The following PCDHGA8 variants were observed in gnomAD, a reference collection of about 807,000 sequenced individuals.
PCDHGA8 encodes protocadherin gamma subfamily A, 8.
A neutral mutation model predicts 59.2 loss-of-function variants in PCDHGA8; 45 were observed. The ratio of observed to expected loss-of-function variants is 0.76; its 90% CI spans 0.60 to 0.98. The LOEUF is 0.98. PCDHGA8 is among the 50% of genes least tolerant of loss of function. The pLI, the probability that PCDHGA8 is intolerant of heterozygous loss-of-function variation, is 0.00. For synonymous variants in PCDHGA8, 531 were observed against 519.0 expected (o/e 1.02, Z -0.32); for missense variants, 1,257 against 1,196.2 (o/e 1.05, Z -0.75).
chr5:141,491,800 C>G lies in PCDHGA8; in HGVS notation c.2425-3007C>G. The G allele has an allele frequency of 6.7e-7, 1 of 1,500,854 alleles. No individual in the cohort carries two copies. The highest frequency in any genetic ancestry group is 8.9e-7 in the Non-Finnish European group (1 of 1,125,316). 93.0% of individuals were successfully genotyped at this position (1,500,854 alleles called of 1,614,324 possible). A position where few individuals can be genotyped will look rare whatever the true frequency, so the allele number is the denominator to read the frequency against. ...GAACTTGCATCCACTCCTCTCCGGC[C>G]GGCTTGGTCGCTGGCTGCGCTCCAC... On this transcript the variant is annotated intron_variant, in intron 1 of 3. Transcript: ENST00000398604. The surrounding 1 kb of genome is among the most constrained non-coding windows in gnomAD (Gnocchi z 6.9).
chr5:141,404,630 C>T (rs1391155615), intron 1 of PCDHGA8: 1 of 1,614,154 alleles, frequency 6.2e-7, no homozygotes, highest in Admixed American at 1.7e-5. Flanking sequence ...TGACAATGCC[C>T]CAGAAATCCT....
At position 141,413,783 on chromosome 5, in the gene PCDHGA8, C is replaced by T. The variant is rs1418394305; in HGVS notation, c.2424+18546C>T. 3.7e-6 allele frequency: 6 copies of T among 1,613,096 alleles called. No individual in the cohort carries two copies. Among genetic ancestry groups the T allele is most frequent in the Non-Finnish European group, 4.2e-6 (5 of 1,179,878 alleles). On this transcript the variant is annotated intron_variant, in intron 1 of 3. Coordinates refer to ENST00000398604, the MANE Select transcript of PCDHGA8 (RefSeq NM_032088.2). ...TACCCGGAGCTGGTACTGGAGCACT[C>T]CCTAGATCGCGAGGAAGAGGCCATT...
intron 1 of PCDHGA8, chr5:141,418,261 G>T (rs763160633): frequency 1.9e-6 from 3 of 1,613,938 alleles, no homozygotes; most frequent in Non-Finnish European, 2.5e-6. Flanking sequence ...CTCAATTCCG[G>T]AAAGATGAAA....
chr5:141,477,970 T>G lies in PCDHGA8; in HGVS notation c.2425-16837T>G. ...TCTTGGGATCCCCTAACCAGAGCCTTTTTGCCATAGGGCTGCACACTGGTC... is the reference window on the plus strand; with the variant it reads ...TCTTGGGATCCCCTAACCAGAGCCTGTTTGCCATAGGGCTGCACACTGGTC... On this transcript the variant is annotated intron_variant, in intron 1 of 3. Coordinates refer to ENST00000398604, the MANE Select transcript of PCDHGA8 (RefSeq NM_032088.2). This position sits in a 1 kb window ranked among gnomAD's most constrained non-coding sequence, Gnocchi z 4.9. 1 of 1,614,090 alleles carries G rather than the reference T, an allele frequency of 6.2e-7. No homozygotes were observed. The highest frequency in any genetic ancestry group is 8.5e-7 in the Non-Finnish European group (1 of 1,180,002).
chr5:141,432,934 G>GC lies in PCDHGA8; in HGVS notation c.2424+37698dup. On this transcript the variant is annotated intron_variant, in intron 1 of 3. Transcript: ENST00000398604. The surrounding 1 kb of genome is among the most constrained non-coding windows in gnomAD (Gnocchi z 6.0). ...GGCGCTGGCACAAGTCACGCCTGCT[G>GC]CAGGCTTCAGGAGGCGGCTTGACAG... The GC allele has an allele frequency of 6.2e-7, 1 of 1,614,196 alleles. No individual in the cohort carries two copies. Among genetic ancestry groups the GC allele is most frequent in the Non-Finnish European group, 8.5e-7 (1 of 1,180,040 alleles).
At chr5:141,444,255 T>G (rs764607115) in intron 1 of PCDHGA8, among the ~76,000 whole-genome samples, 8 of 130,834 alleles carry the variant, frequency 6.1e-5, no homozygotes, top group Non-Finnish European at 1.2e-4. Context: ...CACTGCAACC[T>G]CCGCCTCCCA....
At chr5:141,503,384 C>G (rs898225633) in intron 2 of PCDHGA8, among the ~76,000 whole-genome samples, 1 of 151,906 alleles carries the variant, frequency 6.6e-6, no homozygotes, top group Non-Finnish European at 1.5e-5. Flanking sequence ...ATCATGAGGT[C>G]AGGAGTTCGA....
chr5:141,467,908 C>G (rs2099154038), intron 1 of PCDHGA8, among the ~76,000 whole-genome samples: 1 of 152,172 alleles, frequency 6.6e-6, no homozygotes, highest in Non-Finnish European at 1.5e-5. Flanking sequence ...ATCCGCCCAC[C>G]TCAGCCTCCC....
rs199698737 is a variant in PCDHGA8, at chr5:141,438,639, C to T, written c.2424+43402C>T. On this transcript the variant is annotated intron_variant, in intron 1 of 3. Transcript: ENST00000398604. ...ATATATATATATATATATATATACA[C>T]ACACACACACACATATATGTATATA... 7.1e-3 allele frequency among the ~76,000 whole-genome samples: 359 copies of T among 50,816 alleles called. 1 individual carries two copies. Among genetic ancestry groups the T allele is most frequent in the South Asian group, 0.017 (27 of 1,588 alleles). The allele number at this position is 50,816 out of a possible 152,430, so 33.3% of individuals were successfully genotyped here.
chr5:141,392,844 G>C lies in PCDHGA8; in HGVS notation c.31G>C (p.Gly11Arg), dbSNP rs201895231. The change falls in exon 1 of 4, where the codon GGC becomes CGC. Residue 11 changes from glycine (G) to arginine (R), a missense_variant. Coordinates refer to ENST00000398604, the MANE Select transcript of PCDHGA8 (RefSeq NM_032088.2). MAAPQSRPRR[G>R]ELILLCALLG... ...CGCTCCACAGAGTCGCCCCAGACGCGGCGAGCTGATCCTGCTGTGCGCGCT... is the reference window on the plus strand; with the variant it reads ...CGCTCCACAGAGTCGCCCCAGACGCCGCGAGCTGATCCTGCTGTGCGCGCT... 32 of 1,609,468 alleles carry C rather than the reference G, an allele frequency of 2.0e-5. No homozygotes were observed. The highest frequency in any genetic ancestry group is 2.5e-5 in the Non-Finnish European group (29 of 1,177,978).
At chr5:141,500,116 C>T (rs1458562489) in intron 2 of PCDHGA8, among the ~76,000 whole-genome samples, 4 of 149,046 alleles carry the variant, frequency 2.7e-5, no homozygotes, top group Admixed American at 2.0e-4. Context: ...GAATCCCTGC[C>T]TTTTCATATA....
chr5:141,456,835 C>T (rs1261094365), intron 1 of PCDHGA8, among the ~76,000 whole-genome samples: 3 of 152,000 alleles, frequency 2.0e-5, no homozygotes, highest in African/African-American at 4.8e-5. Flanking sequence ...TGGTAGTGGG[C>T]GCCTGTAATC....
chr5:141,494,832 G>T lies in PCDHGA8; in HGVS notation c.2450G>T (p.Arg817Leu). 1 of 1,614,066 alleles carries T rather than the reference G, an allele frequency of 6.2e-7. No homozygotes were observed. ...CAAGCCCCGCCCAACACGGACTGGCGTTTCTCTCAGGCCCAGAGACCCGGC... is the reference window on the plus strand; with the variant it reads ...CAAGCCCCGCCCAACACGGACTGGCTTTTCTCTCAGGCCCAGAGACCCGGC... The part of the protein sequence containing the change: ...GQQAPPNTDW[R>L]FSQAQRPGTS... The change falls in exon 2 of 4, where the codon CGT becomes CTT. Residue 817 changes from arginine to leucine, a missense_variant. Transcript: ENST00000398604.
chr5:141,490,775 A>G lies in PCDHGA8; in HGVS notation c.2425-4032A>G. 6 of 1,614,110 alleles carry G rather than the reference A, an allele frequency of 3.7e-6. No homozygotes were observed. Among genetic ancestry groups the G allele is most frequent in the Non-Finnish European group, 5.1e-6 (6 of 1,179,964 alleles). On this transcript the variant is annotated intron_variant, in intron 1 of 3. Transcript: ENST00000398604. The surrounding 1 kb of genome is among the most constrained non-coding windows in gnomAD (Gnocchi z 5.4). ...TCCTCCTTTGTGTATGTCAACCCAG[A>G]GGATGGACGGATCTTTGCCCAGCGT...
intron 1 of PCDHGA8, chr5:141,403,191 G>T (rs368387997): frequency 6.2e-7 from 1 of 1,613,994 alleles, no homozygotes; most frequent in Non-Finnish European, 8.5e-7. Flanking sequence ...CTGAACCCGC[G>T]CAGCGGCACC....
rs2094474207 is a variant in PCDHGA8 at position 141,403,989 on chromosome 5, A to C, written c.2424+8752A>C. On this transcript the variant is annotated intron_variant, in intron 1 of 3. Coordinates refer to ENST00000398604, the MANE Select transcript of PCDHGA8 (RefSeq NM_032088.2). ...GAAGATGTAAATGACAATAGACCTG[A>C]AGTGACCATTACATCTCTGTTTAGC... The C allele has an allele frequency of 1.2e-6, 2 of 1,613,868 alleles. No homozygotes were observed. Among genetic ancestry groups the C allele is most frequent in the Middle Eastern group, 1.6e-4 (1 of 6,062 alleles).
At chr5:141,415,641 T>TA (rs113784532) in intron 1 of PCDHGA8, 91,654 of 1,192,004 alleles carry the variant, frequency 0.077, 689 homozygotes, top group South Asian at 0.099. Context: ...TTACTTTTGT[T>TA]AAAAAAAAAA....
Position 141,485,778 on chromosome 5 carries a change from G to C in PCDHGA8, c.2425-9029G>C. 1 of 1,614,216 alleles carries C rather than the reference G, an allele frequency of 6.2e-7. No homozygotes were observed. Among genetic ancestry groups the C allele is most frequent in the Non-Finnish European group, 8.5e-7 (1 of 1,180,048 alleles). On this transcript the variant is annotated intron_variant, in intron 1 of 3. Transcript: ENST00000398604. The surrounding 1 kb of genome is among the most constrained non-coding windows in gnomAD (Gnocchi z 5.7). ...CTGCTCCTGGAGAAGCCTTTGGATCGAGAGAAGCAATCGGACTACCGCCTG... is the reference window on the plus strand; with the variant it reads ...CTGCTCCTGGAGAAGCCTTTGGATCCAGAGAAGCAATCGGACTACCGCCTG...
intron 1 of PCDHGA8, among the ~76,000 whole-genome samples, chr5:141,455,783 T>G (rs1475277198): frequency 1.3e-5 from 2 of 152,066 alleles, no homozygotes; most frequent in Non-Finnish European, 2.9e-5. Context: ...AAAAGAAACT[T>G]TTCCGGAGAT....
Sources: allele counts gnomAD v4.1 joint callset (sites outside exome capture counted in the v4.1 genomes callset), GRCh38; gene constraint gnomAD v4.1.1; non-coding constraint Gnocchi (gnomAD v3.1); transcripts MANE v1.5; gene names NCBI Gene and HGNC (gene_info 2026-07-23, HGNC 2026-07-21).